Variants in LIPA observed in about 807,000 individuals in gnomAD.
The protein encoded by LIPA is lipase A, lysosomal acid type.
LIPA carries 26 observed loss-of-function variants against 40.6 expected under a neutral mutation model. The ratio of observed to expected loss-of-function variants is 0.64; its 90% CI spans 0.47 to 0.89. LIPA has a LOEUF of 0.89. Among genes scored for constraint, LIPA ranks in the 40% least tolerant of loss-of-function variants. The pLI is 0.00. For synonymous variants in LIPA, 188 were observed against 168.4 expected, an observed-to-expected ratio of 1.12 and a Z score of -0.90; for missense variants, 455 against 479.6, an observed-to-expected ratio of 0.95 and a Z score of 0.48.
At chr10:89,307,133 C>G in intron 1 of LIPA, 1 of 1,613,938 alleles carries the variant, frequency 6.2e-7, no homozygotes, top group Non-Finnish European at 8.5e-7. Context: ...CAAGGCCATC[C>G]ACCACTTTAT....
At chr10:89,292,106 A>G (rs1193593069) in intron 1 of LIPA, 1 of 152,208 alleles carries the variant, frequency 6.6e-6, no homozygotes, top group Non-Finnish European at 1.5e-5. Context: ...AACAAGAAAT[A>G]AACTTCTTTT....
At chr10:89,390,938 T>C (rs746364291) in intron 2 of LIPA, among the ~76,000 whole-genome samples, 11 of 152,268 alleles carry the variant, frequency 7.2e-5, no homozygotes, top group Admixed American at 3.3e-4. Flanking sequence ...ATCATGTATC[T>C]GAGTGCAAGA....
intron 1 of LIPA, among the ~76,000 whole-genome samples, chr10:89,301,000 T>A (rs1188255127): frequency 6.6e-6 from 1 of 152,206 alleles, no homozygotes; most frequent in East Asian, 1.9e-4. Context: ...TTAACGATTT[T>A]AGTTAATAAT....
At chr10:89,408,605 C>T (rs1178743524) in intron 2 of LIPA, among the ~76,000 whole-genome samples, 1 of 152,216 alleles carries the variant, frequency 6.6e-6, no homozygotes, top group African/African-American at 2.4e-5. Context: ...AACCTGGGTA[C>T]ATGTCCCCTG....
intron 2 of LIPA, among the ~76,000 whole-genome samples, chr10:89,386,814 G>A (rs1844212993): frequency 6.6e-6 from 1 of 152,158 alleles, no homozygotes; most frequent in Non-Finnish European, 1.5e-5. Flanking sequence ...TAAGTTGTCA[G>A]GAAATTAGGT....
At chr10:89,307,645 TG>T (rs1413385473) in intron 1 of LIPA, 1 of 332,904 alleles carries the variant, frequency 3.0e-6, no homozygotes, top group African/African-American at 2.0e-5. Flanking sequence ...CAATTTGAAC[TG>T]TAACATTTGC....
At chr10:89,344,228 T>C (rs990071422), upstream of LIPA, among the ~76,000 whole-genome samples, 2 of 152,210 alleles carry the variant, frequency 1.3e-5, no homozygotes, top group African/African-American at 4.8e-5. Context: ...AATGCACAGC[T>C]GCATTTATAA....
rs150319928 is a variant in LIPA, at chr10:89,273,526, C to G, written c.-1-25877G>C. On this transcript the variant is annotated intron_variant, in intron 1 of 5. Transcript: ENST00000282673. ...AGCATCAACAAAGGCTCTGAGAAAA[C>G]AGAGCTGATGGTTAAGAACATTTTG... 3.3e-5 allele frequency among the ~76,000 whole-genome samples: 5 copies of G among 152,296 alleles called. No homozygotes were observed. The East Asian group carries it at 9.6e-4, about 29-fold the overall frequency.
chr10:89,376,135 CAG>C (rs1243000593), intron 2 of LIPA, among the ~76,000 whole-genome samples: 1 of 136,520 alleles, frequency 7.3e-6, no homozygotes, highest in Non-Finnish European at 1.5e-5. Flanking sequence ...TTGCAGTGAG[CAG>C]AGATAGTGCC....
chr10:89,305,997 G>C (rs757386735), intron 1 of LIPA: 2 of 1,613,730 alleles, frequency 1.2e-6, no homozygotes, highest in East Asian at 2.2e-5. Context: ...AGCAGCCTAC[G>C]GCAACTAAAA....
chr10:89,351,709 T>C (rs928730961), intron 2 of LIPA, among the ~76,000 whole-genome samples: 2 of 152,222 alleles, frequency 1.3e-5, no homozygotes, highest in Non-Finnish European at 2.9e-5. Flanking sequence ...CAGAGAGCCA[T>C]GGTCCAAGTC....
intron 1 of LIPA, among the ~76,000 whole-genome samples, chr10:89,326,486 T>A (rs1355834386): frequency 1.3e-5 from 2 of 152,150 alleles, no homozygotes; most frequent in Non-Finnish European, 2.9e-5. Flanking sequence ...GGTACAAAAA[T>A]ATACTTAGAT....
chr10:89,220,430 T>C (rs1200768919), intron 8 of LIPA, among the ~76,000 whole-genome samples: 2 of 152,144 alleles, frequency 1.3e-5, no homozygotes, highest in African/African-American at 2.4e-5. Flanking sequence ...TGACAGGGTA[T>C]ATGAAGAAAA....
At chr10:89,306,072 T>A (rs747572156) in intron 1 of LIPA, 1 of 1,614,144 alleles carries the variant, frequency 6.2e-7, no homozygotes, top group Non-Finnish European at 8.5e-7. Context: ...GACAAAGTAT[T>A]TTACCGGACT....
intron 1 of LIPA, among the ~76,000 whole-genome samples, chr10:89,336,824 C>T (rs1382752366): frequency 6.6e-6 from 1 of 152,194 alleles, no homozygotes; most frequent in Non-Finnish European, 1.5e-5. Context: ...TCTGGAGGTT[C>T]TTTCCAATCT....
intron 1 of LIPA, among the ~76,000 whole-genome samples, chr10:89,264,408 C>T (rs1437774748): frequency 6.6e-6 from 1 of 151,760 alleles, no homozygotes. Context: ...AGGAGACCCC[C>T]AGTGGGTAGC....
intron 1 of LIPA, among the ~76,000 whole-genome samples, chr10:89,318,717 T>G (rs1843555192): frequency 6.6e-6 from 1 of 152,196 alleles, no homozygotes; most frequent in Non-Finnish European, 1.5e-5. Flanking sequence ...GCAGACCTAA[T>G]AGACATCTAC....
chr10:89,393,150 A>G, intron 2 of LIPA: 1 of 1,291,584 alleles, frequency 7.7e-7, no homozygotes, highest in South Asian at 1.2e-5. Context: ...AGAATGTGAA[A>G]GCCTCAGTCT....
At chr10:89,393,852 A>G (rs1411938354) in intron 2 of LIPA, among the ~76,000 whole-genome samples, 2 of 152,242 alleles carry the variant, frequency 1.3e-5, no homozygotes, top group Admixed American at 1.3e-4. Context: ...TTACAGGCCT[A>G]TGATGAACCC....
Sources: allele counts gnomAD v4.1 joint callset (sites outside exome capture counted in the v4.1 genomes callset), GRCh38; gene constraint gnomAD v4.1.1; transcripts MANE v1.5; gene names NCBI Gene and HGNC (gene_info 2026-07-23, HGNC 2026-07-21).